Variants in BTBD9 observed in about 807,000 individuals in gnomAD.
BTBD9 encodes the protein BTB/POZ domain-containing protein 9.
A neutral mutation model predicts 64.3 loss-of-function variants in BTBD9; 49 were observed. The observed-to-expected ratio is 0.76, with a 90% CI of 0.61 to 0.97. The LOEUF (loss-of-function observed/expected upper bound fraction) is 0.97. Among genes scored for constraint, BTBD9 ranks in the 50% least tolerant of loss-of-function variants. The pLI is 0.00. For missense variants in BTBD9, 598 were observed against 762.1 expected (o/e 0.78, Z 2.53); for synonymous variants, 260 against 274.7 (o/e 0.95, Z 0.53).
chr6:38,386,713 G>T (rs758660506), intron 6 of BTBD9, among the ~76,000 whole-genome samples: 2 of 145,472 alleles, frequency 1.4e-5, no homozygotes, highest in Non-Finnish European at 3.0e-5. Flanking sequence ...TATGATCTTG[G>T]TGTTCTGCAA....
At chr6:38,390,080 CCT>C (rs1212300551) in intron 6 of BTBD9, among the ~76,000 whole-genome samples, 1 of 152,214 alleles carries the variant, frequency 6.6e-6, no homozygotes, top group Non-Finnish European at 1.5e-5. Flanking sequence ...ACTGAAAATA[CCT>C]CTCTGCTGGT....
chr6:38,228,210 A>C (rs1763467951), intron 9 of BTBD9, among the ~76,000 whole-genome samples: 1 of 151,768 alleles, frequency 6.6e-6, no homozygotes, highest in African/African-American at 2.4e-5. Context: ...AAAAGTACAA[A>C]ACTTAGCTGG....
At chr6:38,307,169 C>G (rs182459268) in intron 7 of BTBD9, among the ~76,000 whole-genome samples, 37 of 152,282 alleles carry the variant, frequency 2.4e-4, no homozygotes, top group Non-Finnish European at 5.0e-4. Context: ...AAGCTTCTAA[C>G]CCAACTGTAA....
intron 9 of BTBD9, among the ~76,000 whole-genome samples, chr6:38,226,077 G>A (rs750572044): frequency 1.3e-5 from 2 of 152,138 alleles, no homozygotes; most frequent in Non-Finnish European, 2.9e-5. Context: ...CTCTTCCTGT[G>A]CCTTGCTTAT....
chr6:38,226,267 C>G (rs970957713), intron 9 of BTBD9, among the ~76,000 whole-genome samples: 1 of 152,188 alleles, frequency 6.6e-6, no homozygotes, highest in African/African-American at 2.4e-5. Flanking sequence ...CGCGCCTGCA[C>G]AGTTCAAAGC....
chr6:38,285,628 A>G (rs890070202), intron 8 of BTBD9, among the ~76,000 whole-genome samples: 4 of 152,324 alleles, frequency 2.6e-5, no homozygotes, highest in African/African-American at 9.6e-5. Context: ...CTTCATTGGC[A>G]AGGAGACTGG....
chr6:38,398,304 T>C (rs1395056777), intron 6 of BTBD9, among the ~76,000 whole-genome samples: 1 of 152,146 alleles, frequency 6.6e-6, no homozygotes, highest in African/African-American at 2.4e-5. Flanking sequence ...AATATAAAAT[T>C]GTACTTGTGC....
intron 1 of BTBD9, among the ~76,000 whole-genome samples, chr6:38,625,135 C>T (rs1264643925): frequency 6.6e-6 from 1 of 152,036 alleles, no homozygotes; most frequent in Non-Finnish European, 1.5e-5. Flanking sequence ...TAATTCATTT[C>T]CCAACTCACA....
chr6:38,425,435 A>T (rs34538881), intron 6 of BTBD9, among the ~76,000 whole-genome samples: 15,072 of 151,770 alleles, frequency 0.099, 895 homozygotes, highest in African/African-American at 0.12. Flanking sequence ...CACTTATAAC[A>T]CTAGTGTGAC....
intron 9 of BTBD9, among the ~76,000 whole-genome samples, chr6:38,214,257 G>A (rs1340462662): frequency 6.6e-6 from 1 of 152,162 alleles, no homozygotes; most frequent in Non-Finnish European, 1.5e-5. Flanking sequence ...ATGCAGGCAA[G>A]GATGGGCTTT....
At chr6:38,213,022 GT>G (rs199934616) in intron 9 of BTBD9, among the ~76,000 whole-genome samples, 180 of 144,396 alleles carry the variant, frequency 1.2e-3, no homozygotes, top group Admixed American at 2.9e-3. Context: ...AATTTCAGGT[GT>G]TTTTTTTTTT....
At chr6:38,281,749 G>A (rs938144952) in intron 8 of BTBD9, among the ~76,000 whole-genome samples, 2 of 152,116 alleles carry the variant, frequency 1.3e-5, no homozygotes, top group African/African-American at 4.8e-5. Flanking sequence ...AACACCCACA[G>A]AGACAATGGG....
intron 1 of BTBD9, among the ~76,000 whole-genome samples, chr6:38,629,263 G>A (rs1778281593): frequency 6.6e-6 from 1 of 152,166 alleles, no homozygotes; most frequent in African/African-American, 2.4e-5. Context: ...AAAGTTTGAG[G>A]AGTAACAGGA....
chr6:38,329,739 G>A (rs563491262), intron 7 of BTBD9, among the ~76,000 whole-genome samples: 4 of 152,216 alleles, frequency 2.6e-5, no homozygotes, highest in Non-Finnish European at 4.4e-5. Flanking sequence ...CAGATCACTT[G>A]AGGTCAGGAG....
At chr6:38,588,453 T>G in intron 4 of BTBD9, 1 of 815,544 alleles carries the variant, frequency 1.2e-6, no homozygotes, top group Non-Finnish European at 2.1e-6. Flanking sequence ...GCATGACCCC[T>G]CCTCCAACTG....
chr6:38,542,789 T>C (rs890054690), intron 6 of BTBD9, among the ~76,000 whole-genome samples: 9 of 152,186 alleles, frequency 5.9e-5, no homozygotes, highest in Non-Finnish European at 8.8e-5. Flanking sequence ...ATGCTCTCTA[T>C]TGCCTCCTAA....
intron 6 of BTBD9, among the ~76,000 whole-genome samples, chr6:38,395,489 G>A (rs1231583427): frequency 1.3e-5 from 2 of 152,148 alleles, no homozygotes; most frequent in Admixed American, 6.5e-5. Context: ...ACCTATAAAT[G>A]AGTAAATGGC....
At chr6:38,255,309 T>C (rs1165121502) in intron 9 of BTBD9, among the ~76,000 whole-genome samples, 1 of 152,120 alleles carries the variant, frequency 6.6e-6, no homozygotes, top group Non-Finnish European at 1.5e-5. Flanking sequence ...ATGTTTCTTT[T>C]TGGGGTGATG....
rs1157324453 is a variant in BTBD9 at position 38,465,707 on chromosome 6, TTATATATATATATATATATA to T, written c.1154+111873_1154+111892del. ...ATCTCTAAATAAATAAATAAATAAA[TTATATATATATATATATATA>T]TATATATATATATATATATATATAT... On this transcript the variant is annotated intron_variant, in intron 6 of 10. Coordinates refer to ENST00000481247, the MANE Select transcript of BTBD9 (RefSeq NM_001099272.2). Among the ~76,000 whole-genome samples the T allele has an allele frequency of 3.9e-3, 185 of 46,846 alleles. 2 individuals are homozygous for T. The highest frequency in any genetic ancestry group is 0.011 in the South Asian group (14 of 1,294). The allele number at this position is 46,846 out of a possible 152,430, so 30.7% of individuals were successfully genotyped here.
Sources: allele counts gnomAD v4.1 joint callset (sites outside exome capture counted in the v4.1 genomes callset), GRCh38; gene constraint gnomAD v4.1.1; transcripts MANE v1.5; gene names NCBI Gene and HGNC (gene_info 2026-07-23, HGNC 2026-07-21).